Variants in GRWD1 observed in about 807,000 individuals in gnomAD.
GRWD1 encodes glutamate rich WD repeat containing 1.
A neutral mutation model predicts 45.3 loss-of-function variants in GRWD1; 29 were observed. That is an observed-to-expected ratio of 0.64 (90% CI 0.48 to 0.87). The LOEUF (loss-of-function observed/expected upper bound fraction) is 0.87. Ranked by LOEUF, GRWD1 falls within the 40% of genes least tolerant of loss-of-function variation. GRWD1 has a pLI of 0.00. For missense variants in GRWD1, 592 were observed against 618.8 expected, an observed-to-expected ratio of 0.96 and a Z score of 0.46; for synonymous variants, 262 against 257.6, an observed-to-expected ratio of 1.02 and a Z score of -0.16.
In GRWD1 at chr19:48,451,245, C is replaced by G. The variant is rs746923479; in HGVS notation, c.1023+14C>G. On this transcript the variant is annotated intron_variant, in intron 6 of 6. Transcript: ENST00000253237. ...CGGCAGTTCAAGGTATTTTCCCAGC[C>G]GGACACCTGGGGGCTAGAGAAGCTT... 4.5e-6 allele frequency: 7 copies of G among 1,558,004 alleles called. No homozygotes were observed. The South Asian group carries it at 8.2e-5, about 18-fold the overall frequency.
rs1971483597 is a variant in GRWD1, at chr19:48,452,251, C to T, written c.1024-457C>T. ...AGTAACTGGGATTACAGGCATGTGA[C>T]ACCAGCCCGGCTAATTTTGTATTTT... On this transcript the variant is annotated intron_variant, in intron 6 of 6. Coordinates refer to ENST00000253237, the MANE Select transcript of GRWD1 (RefSeq NM_031485.4). This position sits in a 1 kb window ranked among gnomAD's most constrained non-coding sequence, Gnocchi z 5.1. Among the ~76,000 whole-genome samples, 1 of 152,054 alleles carries T rather than the reference C, an allele frequency of 6.6e-6. No individual in the cohort carries two copies. Among genetic ancestry groups the T allele is most frequent in the South Asian group, 2.1e-4 (1 of 4,828 alleles).
At chr19:48,447,257 T>C (rs753148235) in intron 3 of GRWD1, among the ~76,000 whole-genome samples, 2 of 151,638 alleles carry the variant, frequency 1.3e-5, no homozygotes, top group Non-Finnish European at 2.9e-5. Context: ...GTTTTTTGGT[T>C]TTTTTTTGAG....
At position 48,446,509 on chromosome 19, in the gene GRWD1, C is replaced by A; in HGVS notation, c.305+7C>A. 1 of 1,612,804 alleles carries A rather than the reference C, an allele frequency of 6.2e-7. No homozygotes were observed. The highest frequency in any genetic ancestry group is 1.3e-5 in the African/African-American group (1 of 74,886). On this transcript the variant is annotated splice_region_variant and intron_variant, in intron 2 of 6. Coordinates refer to ENST00000253237, the MANE Select transcript of GRWD1 (RefSeq NM_031485.4). ...AGAGCGCCCAGAGCAACAGGTAAGA[C>A]CCGAGGCTTTTCCAGGACCAGGAGG... is the stretch of plus-strand genomic sequence containing the variant.
rs1416109083 is a variant in GRWD1, at chr19:48,454,556, G to A, written c.*1531G>A. The A allele has an allele frequency of 2.0e-5, 3 of 152,502 alleles. No homozygotes were observed. Among genetic ancestry groups the A allele is most frequent in the African/African-American group, 4.8e-5 (2 of 41,424 alleles). 9.4% of individuals were successfully genotyped at this position (152,502 alleles called of 1,614,324 possible). A position where few individuals can be genotyped will look rare whatever the true frequency, so the allele number is the denominator to read the frequency against. ...CTCAGCCCTAGCCGAGGAGCCCCCA[G>A]CGGAGGGCATGGGGGTGGGCCGCCC... On this transcript the variant is annotated 3_prime_UTR_variant, in exon 7 of 7. Coordinates refer to ENST00000253237, the MANE Select transcript of GRWD1 (RefSeq NM_031485.4).
At position 48,452,089 on chromosome 19, in the gene GRWD1, C is replaced by CTTTTTTTTTTT. The variant is rs58562169; in HGVS notation, c.1024-612_1024-602dup. ...GGGAGAGCCATGCCCTCCTTTTTTT[C>CTTTTTTTTTTT]TTTTTTTTTTTTTTTTTCTTTTTTT... On this transcript the variant is annotated intron_variant, in intron 6 of 6. Coordinates refer to ENST00000253237, the MANE Select transcript of GRWD1 (RefSeq NM_031485.4). This position sits in a 1 kb window ranked among gnomAD's most constrained non-coding sequence, Gnocchi z 5.1. Among the ~76,000 whole-genome samples, 14 of 146,020 alleles carry CTTTTTTTTTTT rather than the reference C, an allele frequency of 9.6e-5. No individual in the cohort carries two copies. The highest frequency in any genetic ancestry group is 4.1e-4 in the East Asian group (2 of 4,848).
chr19:48,453,953 T>C lies in GRWD1; in HGVS notation c.*928T>C, dbSNP rs1434723775. ...GCCACAGCCCTATGAGGAAACGGGG[T>C]GTGGGGGGAGTTTGGGGGTGGGGAG... On this transcript the variant is annotated 3_prime_UTR_variant, in exon 7 of 7. Coordinates refer to ENST00000253237, the MANE Select transcript of GRWD1 (RefSeq NM_031485.4). The C allele has an allele frequency of 6.6e-6, 1 of 150,386 alleles. No individual in the cohort carries two copies. Among genetic ancestry groups the C allele is most frequent in the Non-Finnish European group, 1.5e-5 (1 of 67,686 alleles). 9.3% of individuals were successfully genotyped at this position (150,386 alleles called of 1,614,324 possible). A position where few individuals can be genotyped will look rare whatever the true frequency, so the allele number is the denominator to read the frequency against.
Position 48,451,243 on chromosome 19 carries a change from G to T in GRWD1, c.1023+12G>T. 1.3e-6 allele frequency: 2 copies of T among 1,561,110 alleles called. No individual in the cohort carries two copies. The highest frequency in any genetic ancestry group is 1.7e-6 in the Non-Finnish European group (2 of 1,149,066). On this transcript the variant is annotated intron_variant, in intron 6 of 6. Coordinates refer to ENST00000253237, the MANE Select transcript of GRWD1 (RefSeq NM_031485.4). ...TTCGGCAGTTCAAGGTATTTTCCCA[G>T]CCGGACACCTGGGGGCTAGAGAAGC...
In GRWD1 at chr19:48,453,603, G is replaced by A; in HGVS notation, c.*578G>A. On this transcript the variant is annotated 3_prime_UTR_variant, in exon 7 of 7. Coordinates refer to ENST00000253237, the MANE Select transcript of GRWD1 (RefSeq NM_031485.4). ...TCTGTCCGCCCCGGCCTCCCAGAGTGCTGGGTTGGGATTACAGGCGTGAGC... is the reference window on the plus strand; with the variant it reads ...TCTGTCCGCCCCGGCCTCCCAGAGTACTGGGTTGGGATTACAGGCGTGAGC... 1 of 152,552 alleles carries A rather than the reference G, an allele frequency of 6.6e-6. No individual in the cohort carries two copies. The highest frequency in any genetic ancestry group is 2.4e-5 in the African/African-American group (1 of 41,574). The allele number at this position is 152,552 out of a possible 1,614,324, so 9.4% of individuals were successfully genotyped here. A position where few individuals can be genotyped will look rare whatever the true frequency, so the allele number is the denominator to read the frequency against.
In GRWD1 at chr19:48,445,990, GC is replaced by G. The variant is rs1971394017; in HGVS notation, c.-15del. 3 of 1,570,204 alleles carry G rather than the reference GC, an allele frequency of 1.9e-6. No individual in the cohort carries two copies. The Admixed American group carries it at 5.7e-5, about 30-fold the overall frequency. ...GTGACGCTCTTACCGGGTGTCAGCA[GC>G]GAGAGGGTTCGAAGATGGCGGCGCG... is the stretch of plus-strand genomic sequence containing the variant. On this transcript the variant is annotated 5_prime_UTR_variant, in exon 1 of 7. Transcript: ENST00000253237.
In GRWD1 at chr19:48,446,057, G is replaced by A; in HGVS notation, c.52G>A (p.Glu18Lys). ...CACGTGTGAAACCGGGGAACCCATG[G>A]AAGCCGAGTCCGGCGACACAAGTTC... ...RRTCETGEPM[E>K]AESGDTSSEG... The change falls in exon 1 of 7, where the codon GAA becomes AAA. Residue 18 changes from glutamate to lysine, a missense_variant. Transcript: ENST00000253237. The A allele has an allele frequency of 6.3e-7, 1 of 1,597,940 alleles. No individual in the cohort carries two copies.
chr19:48,448,457 A>G (rs769640199), intron 3 of GRWD1, among the ~76,000 whole-genome samples: 35 of 152,356 alleles, frequency 2.3e-4, no homozygotes, highest in Non-Finnish European at 4.0e-4. Context: ...GGCTCCATCA[A>G]CTTACACACT....
rs181822234 is a variant in GRWD1 at position 48,455,408 on chromosome 19, G to C, written c.*2383G>C. On this transcript the variant is annotated 3_prime_UTR_variant, in exon 7 of 7. Transcript: ENST00000253237. ...GAGGGTGAGGGTGGGGCCTGGGGGC[G>C]GGGCTTCTTGGCCTCAGATTAGACA... 2 of 152,302 alleles carry C rather than the reference G, an allele frequency of 1.3e-5. No homozygotes were observed. Among genetic ancestry groups the C allele is most frequent in the South Asian group, 4.2e-4 (2 of 4,818 alleles). The allele number at this position is 152,302 out of a possible 1,614,324, so 9.4% of individuals were successfully genotyped here.
rs549682736 is a variant in GRWD1, at chr19:48,447,601, T to C, written c.468+758T>C. On this transcript the variant is annotated intron_variant, in intron 3 of 6. Coordinates refer to ENST00000253237, the MANE Select transcript of GRWD1 (RefSeq NM_031485.4). ...CTTGTTGGCTAGGCTGGTCTCAAAC[T>C]CCTGACCTCGAGTGATTGATCCGCA... Among the ~76,000 whole-genome samples the C allele has an allele frequency of 7.9e-5, 12 of 151,742 alleles. 1 individual carries two copies. The South Asian group carries it at 2.5e-3, about 32-fold the overall frequency.
In GRWD1 at chr19:48,450,169, G is replaced by C. The variant is rs905770142; in HGVS notation, c.469-144G>C. ...CAGGTTGTGATTTTCTTCCCACAGA[G>C]GTTTCAAGGAGCTGTAGTCCCAGGC... On this transcript the variant is annotated intron_variant, in intron 3 of 6. Transcript: ENST00000253237. The surrounding 1 kb of genome is among the most constrained non-coding windows in gnomAD (Gnocchi z 5.1). 30 of 647,878 alleles carry C rather than the reference G, an allele frequency of 4.6e-5. 1 individual carries two copies. The South Asian group carries it at 5.0e-4, about 11-fold the overall frequency. 40.1% of individuals were successfully genotyped at this position (647,878 alleles called of 1,614,324 possible). A position where few individuals can be genotyped will look rare whatever the true frequency, so the allele number is the denominator to read the frequency against.
chr19:48,453,801 A>G lies in GRWD1; in HGVS notation c.*776A>G, dbSNP rs1971503562. On this transcript the variant is annotated 3_prime_UTR_variant, in exon 7 of 7. Coordinates refer to ENST00000253237, the MANE Select transcript of GRWD1 (RefSeq NM_031485.4). ...CAGGATTTCTCCGTGTGGGGGCTAC[A>G]TGCGACCCTCTCCCCTCCTCCCTGA... 6.6e-6 allele frequency: 1 copy of G among 152,224 alleles called. No homozygotes were observed. The highest frequency in any genetic ancestry group is 2.1e-4 in the South Asian group (1 of 4,830). 9.4% of individuals were successfully genotyped at this position (152,224 alleles called of 1,614,324 possible).
intron 3 of GRWD1, among the ~76,000 whole-genome samples, chr19:48,448,699 A>G (rs1438502718): frequency 6.6e-6 from 1 of 152,234 alleles, no homozygotes; most frequent in Non-Finnish European, 1.5e-5. Flanking sequence ...CAGGCAAGGA[A>G]AAACACAAGT....
In GRWD1 at chr19:48,456,742, AC is replaced by A. The variant is rs1369578231; in HGVS notation, c.*3720del. The A allele has an allele frequency of 6.6e-6, 1 of 152,116 alleles. No homozygotes were observed. The highest frequency in any genetic ancestry group is 1.5e-5 in the Non-Finnish European group (1 of 68,046). The allele number at this position is 152,116 out of a possible 1,614,324, so 9.4% of individuals were successfully genotyped here. On this transcript the variant is annotated 3_prime_UTR_variant, in exon 7 of 7. Coordinates refer to ENST00000253237, the MANE Select transcript of GRWD1 (RefSeq NM_031485.4). ...CAAGCGTTTGGTAACGTTGCAGTGA[AC>A]CCTGAAGGCAATGAGGGGTGCGGGT...
At position 48,446,101 on chromosome 19, in the gene GRWD1, C is replaced by T; in HGVS notation, c.96C>T (p.Val32=). 20 of 1,594,608 alleles carry T rather than the reference C, an allele frequency of 1.3e-5. No individual in the cohort carries two copies. The highest frequency in any genetic ancestry group is 1.7e-5 in the Non-Finnish European group (20 of 1,173,184). Residue 32 remains valine, a synonymous_variant, in exon 1 of 7, where the codon GTC becomes GTT. Coordinates refer to ENST00000253237, the MANE Select transcript of GRWD1 (RefSeq NM_031485.4). The stretch of plus-strand genomic sequence containing the variant: ...CAAGTTCCGAGGGCCCGGCCCAGGT[C>T]TACCTGCCCGGCCGGGGGCCGCCGC... ...GDTSSEGPAQ[V]YLPGRGPPLR...
At chr19:48,449,264 T>C (rs567038571) in intron 3 of GRWD1, among the ~76,000 whole-genome samples, 21 of 152,228 alleles carry the variant, frequency 1.4e-4, no homozygotes, top group African/African-American at 4.3e-4. Context: ...CGACTAATTT[T>C]TGCATTTTTA....
Sources: allele counts gnomAD v4.1 joint callset (sites outside exome capture counted in the v4.1 genomes callset), GRCh38; gene constraint gnomAD v4.1.1; non-coding constraint Gnocchi (gnomAD v3.1); transcripts MANE v1.5; gene names NCBI Gene and HGNC (gene_info 2026-07-23, HGNC 2026-07-21).